Variants in PRKAR2A observed in about 807,000 individuals in gnomAD.
PRKAR2A encodes the protein protein kinase cAMP-dependent type II regulatory subunit alpha.
A neutral mutation model predicts 51.9 loss-of-function variants in PRKAR2A; 29 were observed. The observed-to-expected ratio is 0.56, with a 90% CI of 0.42 to 0.76. PRKAR2A has a LOEUF of 0.76. Among genes scored for constraint, PRKAR2A ranks in the 30% least tolerant of loss-of-function variants. The pLI is 0.00. For missense variants in PRKAR2A, 445 were observed against 512.1 expected, an observed-to-expected ratio of 0.87 and a Z score of 1.26; for synonymous variants, 178 against 186.2, an observed-to-expected ratio of 0.96 and a Z score of 0.36.
At chr3:48,796,666 C>CA (rs1304471458) in intron 2 of PRKAR2A, among the ~76,000 whole-genome samples, 4 of 103,962 alleles carry the variant, frequency 3.8e-5, no homozygotes, top group African/African-American at 1.1e-4. Context: ...TTAGTAGAGA[C>CA]GGGGTTTTTT....
In PRKAR2A at chr3:48,847,244, T is replaced by C; in HGVS notation, c.262+91A>G. On this transcript the variant is annotated intron_variant, in intron 1 of 10. Coordinates refer to ENST00000265563, the MANE Select transcript of PRKAR2A (RefSeq NM_004157.4). This position sits in a 1 kb window ranked among gnomAD's most constrained non-coding sequence, Gnocchi z 4.4. ...CTCCCAATCCCAGCCTGCGGTCGGC[T>C]TGGCTGCGGCGCGACACCTGGCTCC... The C allele has an allele frequency of 6.8e-7, 1 of 1,473,928 alleles. No homozygotes were observed. The highest frequency in any genetic ancestry group is 9.1e-7 in the Non-Finnish European group (1 of 1,095,912). The allele number at this position is 1,473,928 out of a possible 1,614,324, so 91.3% of individuals were successfully genotyped here. A position where few individuals can be genotyped will look rare whatever the true frequency, so the allele number is the denominator to read the frequency against.
chr3:48,765,428 A>G (rs2081926884), intron 6 of PRKAR2A, 79 bp from the exon 7 acceptor site: 4 of 914,328 alleles, frequency 4.4e-6, no homozygotes, highest in African/African-American at 1.7e-5. Flanking sequence ...GCCAAAGCAA[A>G]TATTAGAGGA....
At chr3:48,818,953 G>GT (rs2082916061) in intron 1 of PRKAR2A, among the ~76,000 whole-genome samples, 1 of 151,928 alleles carries the variant, frequency 6.6e-6, no homozygotes, top group South Asian at 2.1e-4. Flanking sequence ...AAATACTGCA[G>GT]TTTCACATTT....
chr3:48,834,243 CTCATACCTCT>C (rs2083243291), intron 1 of PRKAR2A, among the ~76,000 whole-genome samples: 2 of 151,872 alleles, frequency 1.3e-5, no homozygotes, highest in South Asian at 2.1e-4. Flanking sequence ...ATCCCATATT[CTCATACCTCT>C]TCATACCTCT....
chr3:48,796,159 T>G (rs2082488145), intron 2 of PRKAR2A, among the ~76,000 whole-genome samples: 2 of 152,220 alleles, frequency 1.3e-5, no homozygotes, highest in African/African-American at 4.8e-5. Context: ...AAAAGTTTTC[T>G]TCTAATAAAT....
In PRKAR2A at chr3:48,807,679, C is replaced by T; in HGVS notation, c.268G>A (p.Val90Ile). Reference protein sequence around the residue: ...SEEDEDLEVPVPSRFNRRVSV... With the variant: ...SEEDEDLEVPIPSRFNRRVSV... ...ACTCGTCTATTAAATCTGCTAGGAA[C>T]TGGAACTGCAAAATAAAGAAGCAAC... Residue 90 changes from valine to isoleucine, a missense_variant, in exon 2 of 11, where the codon GTT becomes ATT. Val to Ile is a conservative substitution (Grantham distance 29). Coordinates refer to ENST00000265563, the MANE Select transcript of PRKAR2A (RefSeq NM_004157.4). The T allele has an allele frequency of 6.2e-7, 1 of 1,605,116 alleles. No individual in the cohort carries two copies. The highest frequency in any genetic ancestry group is 8.5e-7 in the Non-Finnish European group (1 of 1,172,572).
chr3:48,745,690 C>G (rs191673233), downstream of PRKAR2A, among the ~76,000 whole-genome samples: 17 of 151,998 alleles, frequency 1.1e-4, no homozygotes, highest in East Asian at 3.1e-3. Flanking sequence ...AGGAATGTGC[C>G]ACCATACCTG....
At chr3:48,754,309 C>A (rs1041216921) in intron 9 of PRKAR2A, among the ~76,000 whole-genome samples, 9 of 151,176 alleles carry the variant, frequency 6.0e-5, no homozygotes, top group African/African-American at 2.2e-4. Flanking sequence ...GCGATCTCAG[C>A]TCACTGCAAC....
intron 6 of PRKAR2A, among the ~76,000 whole-genome samples, chr3:48,771,813 A>G (rs979621151): frequency 6.6e-6 from 1 of 152,016 alleles, no homozygotes; most frequent in Non-Finnish European, 1.5e-5. Context: ...AAAAATGTTC[A>G]TTCTGTTGTT....
intron 1 of PRKAR2A, among the ~76,000 whole-genome samples, chr3:48,815,289 C>A (rs1385623545): frequency 2.0e-5 from 3 of 151,920 alleles, no homozygotes; most frequent in Non-Finnish European, 4.4e-5. Flanking sequence ...AACATACATA[C>A]ACACACATAC....
At chr3:48,772,096 T>C (rs1259908268) in intron 6 of PRKAR2A, among the ~76,000 whole-genome samples, 1 of 152,204 alleles carries the variant, frequency 6.6e-6, no homozygotes. Context: ...TAGTCTGCCT[T>C]CTTCTTTCCA....
At chr3:48,770,029 G>A (rs904763189) in intron 6 of PRKAR2A, among the ~76,000 whole-genome samples, 1 of 152,138 alleles carries the variant, frequency 6.6e-6, no homozygotes, top group African/African-American at 2.4e-5. Context: ...GCCCACCGTG[G>A]CCTCCCAAAG....
chr3:48,805,014 C>T (rs1200233618), intron 2 of PRKAR2A, among the ~76,000 whole-genome samples: 1 of 152,066 alleles, frequency 6.6e-6, no homozygotes, highest in African/African-American at 2.4e-5. Flanking sequence ...CAGGCTCAAG[C>T]AATCTTCTTA....
intron 2 of PRKAR2A, 110 bp downstream of exon 2, chr3:48,807,539 A>T (rs1317447390): frequency 1.1e-6 from 1 of 898,354 alleles, no homozygotes; most frequent in Non-Finnish European, 1.7e-6. Context: ...TTACTTTTAG[A>T]TAATGTTCTG....
intron 2 of PRKAR2A, among the ~76,000 whole-genome samples, chr3:48,802,761 G>C (rs984340186): frequency 6.6e-6 from 1 of 152,172 alleles, no homozygotes; most frequent in African/African-American, 2.4e-5. Context: ...ACGCGGTTTT[G>C]TTTTAAAGGT....
At position 48,753,591 on chromosome 3, in the gene PRKAR2A, G is replaced by A. The variant is rs372856831; in HGVS notation, c.940-1274C>T. On this transcript the variant is annotated intron_variant, in intron 9 of 10. Transcript: ENST00000265563. The stretch of plus-strand genomic sequence containing the variant: ...ATTCTCTGGAGTTGCAGCCATATTC[G>A]TGCCCACTTAGTCCCTTCTCTAAAA... Among the ~76,000 whole-genome samples the A allele has an allele frequency of 2.0e-5, 3 of 151,924 alleles. No individual in the cohort carries two copies. In the East Asian group the frequency reaches 5.8e-4, roughly 29 times the overall value.
At chr3:48,828,584 T>G (rs1264804566) in intron 1 of PRKAR2A, among the ~76,000 whole-genome samples, 1 of 151,256 alleles carries the variant, frequency 6.6e-6, no homozygotes, top group Non-Finnish European at 1.5e-5. Flanking sequence ...TAGCTAAGTG[T>G]GGTGGCCAGC....
chr3:48,831,181 A>C (rs548485895), intron 1 of PRKAR2A, among the ~76,000 whole-genome samples: 3 of 152,292 alleles, frequency 2.0e-5, no homozygotes, highest in African/African-American at 7.2e-5. Context: ...ACAAACATGT[A>C]ATGTGTTGTA....
intron 3 of PRKAR2A, among the ~76,000 whole-genome samples, chr3:48,791,495 G>C (rs1156632005): frequency 6.8e-6 from 1 of 148,122 alleles, no homozygotes; most frequent in Non-Finnish European, 1.5e-5. Flanking sequence ...TCGGGATGCT[G>C]AGGTAGGAGA....
Sources: allele counts gnomAD v4.1 joint callset (sites outside exome capture counted in the v4.1 genomes callset), GRCh38; gene constraint gnomAD v4.1.1; non-coding constraint Gnocchi (gnomAD v3.1); transcripts MANE v1.5; gene names NCBI Gene and HGNC (gene_info 2026-07-23, HGNC 2026-07-21).